Variants in LNX2 observed in about 807,000 individuals in gnomAD.
LNX2 encodes ligand of numb-protein X 2, also known as ligand of Numb protein X 2.
LNX2 carries 35 observed loss-of-function variants against 66.2 expected under a neutral mutation model. That is an observed-to-expected ratio of 0.53 (90% CI 0.40 to 0.70). The LOEUF is 0.70. Among genes scored for constraint, LNX2 ranks in the 30% least tolerant of loss-of-function variants. LNX2 has a pLI of 0.00. For missense variants in LNX2, 791 were observed against 850.8 expected (o/e 0.93, Z 0.87); for synonymous variants, 337 against 315.6 (o/e 1.07, Z -0.72).
At chr13:27,569,877 C>G (rs1183360030) in intron 2 of LNX2, among the ~76,000 whole-genome samples, 1 of 152,082 alleles carries the variant, frequency 6.6e-6, no homozygotes, top group Non-Finnish European at 1.5e-5. Flanking sequence ...ATTAGAATTT[C>G]AATAGAATTA....
chr13:27,574,254 G>C (rs912218908), intron 2 of LNX2, among the ~76,000 whole-genome samples: 2 of 152,206 alleles, frequency 1.3e-5, no homozygotes, highest in Non-Finnish European at 2.9e-5. Context: ...AGACCAGCCT[G>C]AACAATATGG....
chr13:27,550,209 C>T, intron 9 of LNX2, 124 bp downstream of exon 9: 1 of 774,716 alleles, frequency 1.3e-6, no homozygotes, highest in Non-Finnish European at 2.0e-6. Flanking sequence ...TGTAGCTGCA[C>T]TGCAATGAAA....
chr13:27,579,537 C>G (rs908909762), intron 2 of LNX2, among the ~76,000 whole-genome samples: 3 of 152,160 alleles, frequency 2.0e-5, no homozygotes, highest in Non-Finnish European at 2.9e-5. Context: ...TTGCAATTAC[C>G]AAGGTTTTTT....
In LNX2 at chr13:27,561,327, TCAAA is replaced by T. The variant is rs367901115; in HGVS notation, c.1224+1082_1224+1085del. Among the ~76,000 whole-genome samples, 520 of 152,292 alleles carry T rather than the reference TCAAA, an allele frequency of 3.4e-3. 1 individual carries two copies. The highest frequency in any genetic ancestry group is 0.012 in the African/African-American group (498 of 41,572). The stretch of plus-strand genomic sequence containing the variant: ...CTGGCCTCTCACTTGACTCTTTTAC[TCAAA>T]CAGATGCTATAACTCTATTAGCTTT... On this transcript the variant is annotated intron_variant, in intron 5 of 9. Coordinates refer to ENST00000316334, the MANE Select transcript of LNX2 (RefSeq NM_153371.4).
chr13:27,618,505 AC>A (rs1955851009), intron 1 of LNX2, among the ~76,000 whole-genome samples: 1 of 152,046 alleles, frequency 6.6e-6, no homozygotes, highest in Admixed American at 6.6e-5. Flanking sequence ...CATCCTCCAG[AC>A]GCTGCAGATA....
chr13:27,574,505 A>G (rs1272169138), intron 2 of LNX2, among the ~76,000 whole-genome samples: 1 of 151,980 alleles, frequency 6.6e-6, no homozygotes, highest in Non-Finnish European at 1.5e-5. Context: ...GTTTATTGAG[A>G]TCATCCAGTC....
At chr13:27,548,754 C>G (rs540282494) in intron 9 of LNX2, among the ~76,000 whole-genome samples, 1 of 152,172 alleles carries the variant, frequency 6.6e-6, no homozygotes, top group East Asian at 1.9e-4. Flanking sequence ...AGTAAATATG[C>G]TCTCTCTTTA....
intron 1 of LNX2, among the ~76,000 whole-genome samples, chr13:27,593,212 C>T (rs1232382020): frequency 2.6e-5 from 4 of 152,162 alleles, no homozygotes; most frequent in African/African-American, 4.8e-5. Context: ...GGGTTCATCC[C>T]TTTGGAAGCC....
Position 27,562,620 on chromosome 13 carries a change from T to G in LNX2, c.1017A>C (p.Gln339His), listed in dbSNP as rs1179067171. The change falls in exon 5 of 10, where the codon CAA (glutamine) becomes CAC (histidine). Residue 339 changes from glutamine to histidine, a missense_variant. Coordinates refer to ENST00000316334, the MANE Select transcript of LNX2 (RefSeq NM_153371.4). ...CAGAGTCCCGTTTATGAAGAGCCAC[T>G]TGGAAAATCTCTTCTCGTGGAGAGT... ...DSNSPREEIF[Q>H]VALHKRDSGE... 1 of 1,614,146 alleles carries G rather than the reference T, an allele frequency of 6.2e-7. No individual in the cohort carries two copies. The highest frequency in any genetic ancestry group is 8.5e-7 in the Non-Finnish European group (1 of 1,180,032).
At chr13:27,598,656 G>C (rs961001661) in intron 1 of LNX2, among the ~76,000 whole-genome samples, 1 of 152,044 alleles carries the variant, frequency 6.6e-6, no homozygotes, top group Non-Finnish European at 1.5e-5. Context: ...TAAGGCCCAA[G>C]ACCTAAAGCT....
chr13:27,593,173 C>G (rs1397650735), intron 1 of LNX2, among the ~76,000 whole-genome samples: 1 of 152,180 alleles, frequency 6.6e-6, no homozygotes, highest in Non-Finnish European at 1.5e-5. Context: ...TCTCCCTCTC[C>G]TTTCTAAAAG....
At chr13:27,584,244 G>T (rs757972625) in intron 1 of LNX2, among the ~76,000 whole-genome samples, 1 of 152,060 alleles carries the variant, frequency 6.6e-6, no homozygotes, top group Non-Finnish European at 1.5e-5. Flanking sequence ...GTATTTATTG[G>T]AAAAACAACA....
At position 27,567,695 on chromosome 13, in the gene LNX2, C is replaced by G. The variant is rs763418004; in HGVS notation, c.800G>C (p.Arg267Pro). The G allele has an allele frequency of 6.2e-7, 1 of 1,613,932 alleles. No homozygotes were observed. The highest frequency in any genetic ancestry group is 8.5e-7 in the Non-Finnish European group (1 of 1,179,916). ...LINIVIQEVY[R>P]DGVIARDGRL... ...CCCGTCTCTGGCAATGACCCCATCC[C>G]GATAGACCTCCTGGATGACAATGTT... Residue 267 changes from arginine to proline, a missense_variant, in exon 4 of 10, where the codon CGG (arginine) becomes CCG (proline). By Grantham distance (103) the Arg-to-Pro change is moderately radical. Coordinates refer to ENST00000316334, the MANE Select transcript of LNX2 (RefSeq NM_153371.4).
intron 1 of LNX2, among the ~76,000 whole-genome samples, chr13:27,616,364 C>T (rs568246580): frequency 3.3e-5 from 5 of 152,102 alleles, no homozygotes; most frequent in Middle Eastern, 3.2e-3. Context: ...AGGTAGTAGG[C>T]TTCGATAGGT....
chr13:27,556,888 A>G (rs1265345673), intron 6 of LNX2, among the ~76,000 whole-genome samples: 1 of 152,204 alleles, frequency 6.6e-6, no homozygotes, highest in Non-Finnish European at 1.5e-5. Context: ...CCTGATTCTC[A>G]CTGACTACTA....
intron 3 of LNX2, among the ~76,000 whole-genome samples, chr13:27,568,244 T>A (rs1042137342): frequency 6.6e-6 from 1 of 152,184 alleles, no homozygotes; most frequent in Non-Finnish European, 1.5e-5. Flanking sequence ...AGTAGCCACA[T>A]CAAGCTCGTA....
At chr13:27,616,174 T>TGGGGGG (rs1222027544) in intron 1 of LNX2, among the ~76,000 whole-genome samples, 1 of 10,314 alleles carries the variant, frequency 9.7e-5, no homozygotes, top group Non-Finnish European at 2.1e-4. Context: ...GGGTCGGGGG[T>TGGGGGG]GGGGTGGGGG....
In LNX2 at chr13:27,548,227, T is replaced by C. The variant is rs768370573; in HGVS notation, c.*108A>G. On this transcript the variant is annotated 3_prime_UTR_variant, in exon 10 of 10. Coordinates refer to ENST00000316334, the MANE Select transcript of LNX2 (RefSeq NM_153371.4). ...TCTTAGTGGGTTTTGGCCCTGTGTA[T>C]ACCAGCAGTGTCAGCAGCTCCTAAA... 195 of 1,039,852 alleles carry C rather than the reference T, an allele frequency of 1.9e-4. No individual in the cohort carries two copies. Among genetic ancestry groups the C allele is most frequent in the Non-Finnish European group, 2.6e-4 (184 of 698,610 alleles). The allele number at this position is 1,039,852 out of a possible 1,614,324, so 64.4% of individuals were successfully genotyped here. A position where few individuals can be genotyped will look rare whatever the true frequency, so the allele number is the denominator to read the frequency against.
Position 27,581,601 on chromosome 13 carries a change from T to C in LNX2, c.103A>G (p.Asn35Asp). ...TCATTCTGGTAATTGTACAAATGGT[T>C]TTCTCTTGTCCAGTGCTGTTGGCCA... The part of the protein sequence containing the change: ...ECGQQHWTRE[N>D]HLYNYQNEVD... Residue 35 changes from asparagine (N) to aspartate (D), a missense_variant, in exon 2 of 10, where the codon AAC (asparagine) becomes GAC (aspartate). Coordinates refer to ENST00000316334, the MANE Select transcript of LNX2 (RefSeq NM_153371.4). The C allele has an allele frequency of 6.2e-7, 1 of 1,614,160 alleles. No individual in the cohort carries two copies. The highest frequency in any genetic ancestry group is 2.2e-5 in the East Asian group (1 of 44,884).
Sources: gnomAD v4.1 joint callset for allele counts (sites outside exome capture counted in the v4.1 genomes callset) on GRCh38, gnomAD v4.1.1 for gene constraint, MANE v1.5 for transcripts, NCBI Gene and HGNC (gene_info 2026-07-23, HGNC 2026-07-21) for gene names.